Variants in FGF14 observed in about 807,000 individuals in gnomAD.
FGF14 encodes fibroblast growth factor 14.
Under a neutral mutation model 25.5 loss-of-function variants are expected in FGF14, and 5 were observed. The observed-to-expected ratio is 0.20, with a 90% CI of 0.10 to 0.41. The LOEUF (loss-of-function observed/expected upper bound fraction) is 0.41, where lower values mean the gene tolerates loss of function less well. Among genes scored for constraint, FGF14 ranks in the 10% least tolerant of loss-of-function variants. The pLI is 1.00. For missense variants in FGF14, 222 were observed against 320.1 expected (o/e 0.69, Z 2.34); for synonymous variants, 138 against 118.3 (o/e 1.17, Z -1.08).
chr13:101,806,947 AT>A (rs946742915), intron 3 of FGF14, among the ~76,000 whole-genome samples: 25 of 152,210 alleles, frequency 1.6e-4, no homozygotes, highest in African/African-American at 5.1e-4. Context: ...ACTTTTTTTC[AT>A]TTCTCTGGAA....
chr13:101,875,991 A>G (rs1255533494), intron 1 of FGF14, among the ~76,000 whole-genome samples: 1 of 152,150 alleles, frequency 6.6e-6, no homozygotes, highest in Non-Finnish European at 1.5e-5. Context: ...GAGAAATTAG[A>G]CAAATTAAAC....
chr13:101,781,055 T>TA (rs2039459866), intron 3 of FGF14, among the ~76,000 whole-genome samples: 1 of 152,080 alleles, frequency 6.6e-6, no homozygotes. Flanking sequence ...TCACGGTTCT[T>TA]ACACTTGCTG....
At chr13:101,743,816 C>T (rs1409714078) in intron 3 of FGF14, among the ~76,000 whole-genome samples, 1 of 147,892 alleles carries the variant, frequency 6.8e-6, no homozygotes, top group Non-Finnish European at 1.5e-5. Flanking sequence ...AAAAACTGAA[C>T]CATATTTAAA....
intron 1 of FGF14, among the ~76,000 whole-genome samples, chr13:101,896,780 C>T (rs2030749470): frequency 6.6e-6 from 1 of 152,108 alleles, no homozygotes; most frequent in Admixed American, 6.6e-5. Flanking sequence ...CAACAGTAAT[C>T]AATAAAACCA....
chr13:101,833,633 G>T (rs1265801019), intron 3 of FGF14, among the ~76,000 whole-genome samples: 2 of 151,960 alleles, frequency 1.3e-5, no homozygotes, highest in African/African-American at 2.4e-5. Context: ...AGACAGATAG[G>T]TGTGTGTATA....
At chr13:101,858,472 A>C (rs1426784064) in intron 3 of FGF14, among the ~76,000 whole-genome samples, 1 of 152,020 alleles carries the variant, frequency 6.6e-6, no homozygotes, top group Non-Finnish European at 1.5e-5. Flanking sequence ...GGAGAGTGAA[A>C]ACAAAGAGAG....
chr13:102,370,081 AC>A (rs1217464708), intron 1 of FGF14, among the ~76,000 whole-genome samples: 1 of 151,966 alleles, frequency 6.6e-6, no homozygotes, highest in African/African-American at 2.4e-5. Flanking sequence ...ACCCTCAACT[AC>A]CCAGGCTCAA....
chr13:102,302,895 G>A (rs923683555), intron 1 of FGF14, among the ~76,000 whole-genome samples: 3 of 152,120 alleles, frequency 2.0e-5, no homozygotes, highest in African/African-American at 7.2e-5. Flanking sequence ...AATAGCCAGA[G>A]TGGTCCTTAT....
chr13:102,222,288 C>T (rs1249144088), intron 1 of FGF14, among the ~76,000 whole-genome samples: 1 of 152,158 alleles, frequency 6.6e-6, no homozygotes, highest in Admixed American at 6.5e-5. Flanking sequence ...GCCATTTCCC[C>T]TAATTTGATT....
chr13:102,377,806 C>T (rs2058076238), intron 1 of FGF14, among the ~76,000 whole-genome samples: 1 of 152,114 alleles, frequency 6.6e-6, no homozygotes. Flanking sequence ...AAAACTCTGT[C>T]TCAACAACAA....
chr13:101,714,642 C>A lies in FGF14; in HGVS notation c.*8189G>T. ...CATGCAATGCTTTAGGTGGCTGGAC[C>A]AACAGGGCCAACCGTGAATATGAAA... is the stretch of plus-strand genomic sequence containing the variant. On this transcript the variant is annotated 3_prime_UTR_variant, in exon 5 of 5. Coordinates refer to ENST00000376143, the MANE Select transcript of FGF14 (RefSeq NM_004115.4). The A allele has an allele frequency of 2.5e-6, 2 of 785,710 alleles. No homozygotes were observed. Among genetic ancestry groups the A allele is most frequent in the Non-Finnish European group, 4.5e-6 (2 of 441,948 alleles). The allele number at this position is 785,710 out of a possible 1,614,324, so 48.7% of individuals were successfully genotyped here. A position where few individuals can be genotyped will look rare whatever the true frequency, so the allele number is the denominator to read the frequency against.
chr13:102,388,992 C>A (rs1426432413), intron 1 of FGF14, among the ~76,000 whole-genome samples: 1 of 152,120 alleles, frequency 6.6e-6, no homozygotes, highest in Non-Finnish European at 1.5e-5. Flanking sequence ...TAAATAATCC[C>A]AGCCTTTGAC....
chr13:102,257,081 C>T (rs1448764152), intron 1 of FGF14, among the ~76,000 whole-genome samples: 1 of 151,974 alleles, frequency 6.6e-6, no homozygotes, highest in Non-Finnish European at 1.5e-5. Flanking sequence ...ATAATAAAGG[C>T]AGTGAGATTA....
intron 3 of FGF14, among the ~76,000 whole-genome samples, chr13:101,840,241 T>C (rs1043971642): frequency 6.6e-6 from 1 of 152,000 alleles, no homozygotes; most frequent in African/African-American, 2.4e-5. Flanking sequence ...TTTCAGTTAT[T>C]CTGCCCTATT....
chr13:101,936,701 C>A (rs915083931), intron 1 of FGF14, among the ~76,000 whole-genome samples: 1 of 152,170 alleles, frequency 6.6e-6, no homozygotes, highest in East Asian at 1.9e-4. Flanking sequence ...GTTTCCAGAG[C>A]AAGCAATGAA....
intron 1 of FGF14, among the ~76,000 whole-genome samples, chr13:101,889,725 C>T (rs547539560): frequency 3.3e-5 from 5 of 152,238 alleles, no homozygotes; most frequent in Admixed American, 6.5e-5. Flanking sequence ...TGAAACCTAC[C>T]CCATGCAATA....
intron 1 of FGF14, among the ~76,000 whole-genome samples, chr13:102,352,797 G>A (rs1197630678): frequency 3.4e-5 from 5 of 146,326 alleles, no homozygotes; most frequent in Admixed American, 1.4e-4. Flanking sequence ...GGGCGACAGA[G>A]CGAGACTCTG....
intron 1 of FGF14, among the ~76,000 whole-genome samples, chr13:102,011,585 A>C (rs1437302871): frequency 6.6e-6 from 1 of 151,946 alleles, no homozygotes; most frequent in African/African-American, 2.4e-5. Flanking sequence ...CATACGCAGG[A>C]GTATGAAGCT....
chr13:101,948,430 G>A (rs1025873881), intron 1 of FGF14, among the ~76,000 whole-genome samples: 3 of 150,708 alleles, frequency 2.0e-5, no homozygotes, highest in Admixed American at 6.6e-5. Context: ...AAACCTGCAC[G>A]TTGTGCACAT....
Sources: allele counts gnomAD v4.1 joint callset (sites outside exome capture counted in the v4.1 genomes callset), GRCh38; gene constraint gnomAD v4.1.1; transcripts MANE v1.5; gene names NCBI Gene and HGNC (gene_info 2026-07-23, HGNC 2026-07-21).